GCM1: variants seen among roughly 807,000 people sequenced by gnomAD.
GCM1 encodes chorion-specific transcription factor GCMa.
GCM1 carries 2 observed loss-of-function variants against 25.7 expected under a neutral mutation model. The observed-to-expected ratio is 0.08, with a 90% confidence interval of 0.03 to 0.24. The LOEUF (loss-of-function observed/expected upper bound fraction) is 0.24. GCM1 is among the 10% of genes least tolerant of loss of function. The probability of loss-of-function intolerance (pLI) is 1.00; values close to 1 mark genes in which losing one functional copy is unlikely to be tolerated. For synonymous variants in GCM1, 183 were observed against 195.7 expected, an observed-to-expected ratio of 0.94 and a Z score of 0.54; for missense variants, 395 against 538.7, an observed-to-expected ratio of 0.73 and a Z score of 2.64.
chr6:53,133,974 G>T, intron 3 of GCM1, 98 bp downstream of exon 3: 1 of 1,196,490 alleles, frequency 8.4e-7, no homozygotes. Context: ...CCAGGGTGAT[G>T]GTTTTGCCCT....
chr6:53,131,767 C>T (rs1294549055), intron 4 of GCM1, among the ~76,000 whole-genome samples: 1 of 152,178 alleles, frequency 6.6e-6, no homozygotes, highest in Non-Finnish European at 1.5e-5. Flanking sequence ...ACTGTGCTAA[C>T]CTCAGTGTGA....
In GCM1 at chr6:53,134,317, T is replaced by C. The variant is rs1461892561; in HGVS notation, c.83A>G (p.Lys28Arg). 5 of 1,613,586 alleles carry C rather than the reference T, an allele frequency of 3.1e-6. No individual in the cohort carries two copies. The highest frequency in any genetic ancestry group is 1.3e-5 in the African/African-American group (1 of 74,910). Reference sequence around the variant, plus strand: ...CCACTCCTGGAACCAGTCGGTTTTTTTCACGTTCTGATAGAAACACAAAAG... The same window carrying C: ...CCACTCCTGGAACCAGTCGGTTTTTCTCACGTTCTGATAGAAACACAAAAG... ...INDVKLPQNV[K>R]KTDWFQEWPD... The change falls in exon 3 of 6, where the codon AAA (lysine) becomes AGA (arginine). Residue 28 changes from lysine (K) to arginine (R), a missense_variant. Around this residue, in one of 5 missense-constraint regions of GCM1, gnomAD observed 44 missense variants for 60.8 expected, o/e 0.72. Transcript: ENST00000259803.
intron 4 of GCM1, among the ~76,000 whole-genome samples, chr6:53,131,688 G>A (rs1763729469): frequency 6.6e-6 from 1 of 152,202 alleles, no homozygotes. Flanking sequence ...TAAAAAGTCA[G>A]AGCTGGTGTT....
intron 2 of GCM1, among the ~76,000 whole-genome samples, chr6:53,143,474 C>A (rs1763909620): frequency 6.6e-6 from 1 of 152,194 alleles, no homozygotes; most frequent in Non-Finnish European, 1.5e-5. Flanking sequence ...AAAACTCTTG[C>A]TCTAGAATGT....
In GCM1 at chr6:53,145,780, A is replaced by G; in HGVS notation, c.-136-12T>C. ...ATTGTTTTCTAGGGCTAAAAAAATAAGTTATATTAGTATTGGCCATTAAAG... is the reference window on the plus strand; with the variant it reads ...ATTGTTTTCTAGGGCTAAAAAAATAGGTTATATTAGTATTGGCCATTAAAG... On this transcript the variant is annotated splice_polypyrimidine_tract_variant and intron_variant, in intron 1 of 5. Coordinates refer to ENST00000259803, the MANE Select transcript of GCM1 (RefSeq NM_003643.4). 1 of 588,264 alleles carries G rather than the reference A, an allele frequency of 1.7e-6. No homozygotes were observed. 36.4% of individuals were successfully genotyped at this position (588,264 alleles called of 1,614,324 possible). A position where few individuals can be genotyped will look rare whatever the true frequency, so the allele number is the denominator to read the frequency against.
intron 5 of GCM1, among the ~76,000 whole-genome samples, chr6:53,129,486 C>T (rs530858105): frequency 1.3e-5 from 2 of 152,284 alleles, no homozygotes; most frequent in African/African-American, 2.4e-5. Context: ...GTTGGCCAGG[C>T]TGGTCTCGAA....
intron 2 of GCM1, among the ~76,000 whole-genome samples, chr6:53,143,364 T>C (rs1328944100): frequency 6.6e-6 from 1 of 152,200 alleles, no homozygotes; most frequent in African/African-American, 2.4e-5. Context: ...AAAGAGGTCT[T>C]CATCTCTTGT....
intron 1 of GCM1, among the ~76,000 whole-genome samples, chr6:53,147,203 C>T (rs1252326880): frequency 6.6e-6 from 1 of 151,878 alleles, no homozygotes; most frequent in Non-Finnish European, 1.5e-5. Context: ...GTGTTCTACC[C>T]TGAGGAAAAA....
chr6:53,144,569 A>C (rs1394347821), intron 2 of GCM1, among the ~76,000 whole-genome samples: 2 of 137,916 alleles, frequency 1.5e-5, no homozygotes, highest in Non-Finnish European at 3.1e-5. Context: ...GAAGCGAGTG[A>C]TTGCTTGAGC....
At position 53,134,069 on chromosome 6, in the gene GCM1, C is replaced by T. The variant is rs1387660526; in HGVS notation, c.328+3G>A. Reference sequence around the variant, plus strand: ...TTTGCTGGTGCCACTAAGCTCTACTCACGCTGCTGCTTCTGCCGGGCCTTG... The same window carrying T: ...TTTGCTGGTGCCACTAAGCTCTACTTACGCTGCTGCTTCTGCCGGGCCTTG... On this transcript the variant is annotated splice_donor_region_variant and intron_variant, in intron 3 of 5. Coordinates refer to ENST00000259803, the MANE Select transcript of GCM1 (RefSeq NM_003643.4). 1.2e-6 allele frequency: 2 copies of T among 1,613,472 alleles called. No homozygotes were observed. Among genetic ancestry groups the T allele is most frequent in the African/African-American group, 1.3e-5 (1 of 74,928 alleles).
intron 5 of GCM1, among the ~76,000 whole-genome samples, chr6:53,129,748 T>C (rs188965534): frequency 1.3e-5 from 2 of 152,352 alleles, no homozygotes; most frequent in Admixed American, 6.5e-5. Context: ...ATGGTTGCTA[T>C]TGTTTTTTAG....
At chr6:53,131,579 A>C (rs1469691144) in intron 4 of GCM1, among the ~76,000 whole-genome samples, 1 of 152,164 alleles carries the variant, frequency 6.6e-6, no homozygotes, top group Non-Finnish European at 1.5e-5. Flanking sequence ...TCCATTCTTC[A>C]CCACTGTTGG....
At position 53,145,732 on chromosome 6, in the gene GCM1, A is replaced by C; in HGVS notation, c.-100T>G. The C allele has an allele frequency of 1.4e-6, 1 of 713,432 alleles. No individual in the cohort carries two copies. Among genetic ancestry groups the C allele is most frequent in the South Asian group, 1.6e-5 (1 of 60,790 alleles). 44.2% of individuals were successfully genotyped at this position (713,432 alleles called of 1,614,324 possible). On this transcript the variant is annotated 5_prime_UTR_variant, in exon 2 of 6. Transcript: ENST00000259803. ...GTTCTTGATATAGCTGGATCGGCCCACTCAAGCACCTTGGACCAGGAGATT... is the reference window on the plus strand; with the variant it reads ...GTTCTTGATATAGCTGGATCGGCCCCCTCAAGCACCTTGGACCAGGAGATT...
rs985099091 is a variant in GCM1, at chr6:53,147,429, T to G, written c.-137+1325A>C. On this transcript the variant is annotated intron_variant, in intron 1 of 5. Transcript: ENST00000259803. ...CTCTTTTCTTTAGTTTTTATTGTTT[T>G]TTTTTTTTTTTTTTTTTTAATGGAG... is the stretch of plus-strand genomic sequence containing the variant. Among the ~76,000 whole-genome samples, 4 of 140,364 alleles carry G rather than the reference T, an allele frequency of 2.8e-5. No homozygotes were observed. In the East Asian group the frequency reaches 6.1e-4, roughly 21 times the overall value. The allele number at this position is 140,364 out of a possible 152,430, so 92.1% of individuals were successfully genotyped here. A position where few individuals can be genotyped will look rare whatever the true frequency, so the allele number is the denominator to read the frequency against.
At chr6:53,145,085 A>C (rs1763936569) in intron 2 of GCM1, among the ~76,000 whole-genome samples, 1 of 152,196 alleles carries the variant, frequency 6.6e-6, no homozygotes, top group South Asian at 2.1e-4. Context: ...GGAAAAAGAA[A>C]AAAGGAAGAA....
chr6:53,134,810 CAAAAT>C (rs1763774612), intron 2 of GCM1, among the ~76,000 whole-genome samples: 1 of 152,126 alleles, frequency 6.6e-6, no homozygotes, highest in Non-Finnish European at 1.5e-5. Context: ...TCTAAAAACT[CAAAAT>C]AAACTGTGGA....
intron 1 of GCM1, among the ~76,000 whole-genome samples, chr6:53,147,797 T>G (rs1763984718): frequency 6.6e-6 from 1 of 152,172 alleles, no homozygotes; most frequent in Non-Finnish European, 1.5e-5. Context: ...CAAGGGAAAG[T>G]GTATGTATAT....
chr6:53,142,399 G>A (rs2518576), intron 2 of GCM1, among the ~76,000 whole-genome samples: 151,344 of 152,360 alleles, frequency 0.99, 75,178 homozygotes, highest in Middle Eastern at 1. Context: ...CCTTCGGAGA[G>A]CCACCAATGC....
At chr6:53,130,678 A>G in intron 5 of GCM1, 125 bp downstream of exon 5, 1 of 693,558 alleles carries the variant, frequency 1.4e-6, no homozygotes, top group Non-Finnish European at 2.4e-6. Context: ...GCTTGTTTGT[A>G]GATGAGCCTG....
Sources: gnomAD v4.1 joint callset for allele counts (sites outside exome capture counted in the v4.1 genomes callset) on GRCh38, gnomAD v4.1.1 for gene constraint, gnomAD v4.1.1 regional missense constraint, MANE v1.5 for transcripts, NCBI Gene and HGNC (gene_info 2026-07-23, HGNC 2026-07-21) for gene names.